The following NOTCH3 variants were observed in gnomAD, a reference collection of about 807,000 sequenced individuals.
NOTCH3 encodes the protein neurogenic locus notch homolog protein 3.
A neutral mutation model predicts 213.3 loss-of-function variants in NOTCH3; 86 were observed. The ratio of observed to expected loss-of-function variants is 0.40; its 90% CI spans 0.34 to 0.48. The LOEUF is 0.48. Among genes scored for constraint, NOTCH3 ranks in the 20% least tolerant of loss-of-function variants. The pLI, the probability that NOTCH3 is intolerant of heterozygous loss-of-function variation, is 0.57. For missense variants in NOTCH3, 2,783 were observed against 3,272.6 expected, an observed-to-expected ratio of 0.85 and a Z score of 3.65; for synonymous variants, 1,354 against 1,355.9, an observed-to-expected ratio of 1.00 and a Z score of 0.03.
At position 15,187,332 on chromosome 19, in the gene NOTCH3, T is replaced by A. The variant is rs1404986621; in HGVS notation, c.1613A>T (p.Glu538Val). 6 of 1,612,808 alleles carry A rather than the reference T, an allele frequency of 3.7e-6. No homozygotes were observed. In the Middle Eastern group the frequency reaches 6.6e-4, roughly 177 times the overall value. Residue 538 changes from glutamate to valine, a missense_variant, in exon 11 of 33, where the codon GAG becomes GTG. By Grantham distance (121) the Glu-to-Val change is moderately radical (BLOSUM62 -2). Transcript: ENST00000263388. ...GYECRCAEGF[E>V]GTLCDRNVDD... is the part of the protein sequence containing the mutation. ...CACGTTGCGATCACACAGCGTGCCCTCAAAGCCTGTGGGGCCAAGAGGGTC... is the reference window on the plus strand; with the variant it reads ...CACGTTGCGATCACACAGCGTGCCCACAAAGCCTGTGGGGCCAAGAGGGTC...
At chr19:15,197,365 T>C (rs577298434) in intron 2 of NOTCH3, 135 bp downstream of exon 2, 13 of 824,572 alleles carry the variant, frequency 1.6e-5, no homozygotes, top group African/African-American at 6.8e-5. Context: ...ACACGAGAGG[T>C]TGCCCAAGCC....
At chr19:15,191,046 A>T (rs11881343) in intron 6 of NOTCH3, among the ~76,000 whole-genome samples, 13,289 of 136,796 alleles carry the variant, frequency 0.097, 1,483 homozygotes, top group African/African-American at 0.29. Context: ...TTTATTTTTT[A>T]AATTTGAGAA....
Position 15,159,211 on chromosome 19 carries a change from T to C in NOTCH3, c.*1451A>G, listed in dbSNP as rs1014514640. On this transcript the variant is annotated 3_prime_UTR_variant, in exon 33 of 33. Transcript: ENST00000263388. ...CACTCAATTAACTGGAATTGATAAC[T>C]GCACTGGGAGCCGAGATAACCCCCC... 6 of 152,312 alleles carry C rather than the reference T, an allele frequency of 3.9e-5. No homozygotes were observed. The highest frequency in any genetic ancestry group is 1.3e-4 in the Admixed American group (2 of 15,282). 9.4% of individuals were successfully genotyped at this position (152,312 alleles called of 1,614,324 possible). A position where few individuals can be genotyped will look rare whatever the true frequency, so the allele number is the denominator to read the frequency against.
chr19:15,180,561 C>T, intron 19 of NOTCH3, 120 bp downstream of exon 19: 3 of 1,228,940 alleles, frequency 2.4e-6, no homozygotes, highest in Non-Finnish European at 3.5e-6. Flanking sequence ...ACCACTCAGC[C>T]ACACACCCCA....
intron 4 of NOTCH3, 33 bp downstream of exon 4, chr19:15,191,927 C>T (rs2046930527): frequency 6.2e-7 from 1 of 1,613,640 alleles, no homozygotes; most frequent in Non-Finnish European, 8.5e-7. Flanking sequence ...CCCACGCCCA[C>T]CCCTCTGACT....
intron 1 of NOTCH3, 49 bp from the exon 2 acceptor site, chr19:15,197,627 C>G (rs748880571): frequency 3.2e-6 from 5 of 1,569,346 alleles, no homozygotes; most frequent in Middle Eastern, 2.2e-4. Flanking sequence ...GCCCAGGAAC[C>G]CCAGGCCCAA....
intron 20 of NOTCH3, chr19:15,179,775 T>C: frequency 1.7e-6 from 1 of 586,318 alleles, no homozygotes; most frequent in Non-Finnish European, 3.0e-6. Context: ...CCAGCTATAA[T>C]GAGAGGCTGA....
At chr19:15,163,583 C>A (rs1385590880) in intron 31 of NOTCH3, among the ~76,000 whole-genome samples, 1 of 152,200 alleles carries the variant, frequency 6.6e-6, no homozygotes, top group Non-Finnish European at 1.5e-5. Flanking sequence ...ATAATCTCAA[C>A]AATTTGGGAG....
intron 16 of NOTCH3, among the ~76,000 whole-genome samples, chr19:15,182,343 T>TA (rs1045777455): frequency 6.6e-6 from 1 of 151,822 alleles, no homozygotes; most frequent in Non-Finnish European, 1.5e-5. Flanking sequence ...CCCATTTCTA[T>TA]AAAAAATACA....
intron 1 of NOTCH3, among the ~76,000 whole-genome samples, chr19:15,198,783 C>G (rs769401860): frequency 1.3e-5 from 2 of 151,172 alleles, no homozygotes; most frequent in African/African-American, 4.9e-5. Context: ...TGGTGGCGCA[C>G]GCCTGTAGTC....
chr19:15,178,855 C>T lies in NOTCH3; in HGVS notation c.3805G>A (p.Gly1269Ser). ...GQCRPSPGPG[G>S]GLTFTCHCAQ... ...CAGTGACAGGTGAAGGTCAGCCCACCCCCAGGACCCGGGCTAGGACGGCAC... is the reference window on the plus strand; with the variant it reads ...CAGTGACAGGTGAAGGTCAGCCCACTCCCAGGACCCGGGCTAGGACGGCAC... The change falls in exon 23 of 33, where the codon GGT becomes AGT. Residue 1269 changes from glycine (G) to serine (S), a missense_variant. Physicochemically the swap from Gly to Ser is moderately conservative, Grantham distance 56 (BLOSUM62 0). This residue lies in a region of NOTCH3 where 861 missense variants were observed against 909.1 expected (regional missense o/e 0.95). Coordinates refer to ENST00000263388, the MANE Select transcript of NOTCH3 (RefSeq NM_000435.3). 6.2e-7 allele frequency: 1 copy of T among 1,603,746 alleles called. No homozygotes were observed. Among genetic ancestry groups the T allele is most frequent in the East Asian group, 2.2e-5 (1 of 44,528 alleles).
chr19:15,185,171 C>T lies in NOTCH3; in HGVS notation c.2296+86G>A, dbSNP rs2046870829. ...TGATTGAAAGCAAAAAAGAAGCTAACATAGCGGGAGGAGAGAGTAGAGGAG... is the reference window on the plus strand; with the variant it reads ...TGATTGAAAGCAAAAAAGAAGCTAATATAGCGGGAGGAGAGAGTAGAGGAG... On this transcript the variant is annotated intron_variant, in intron 14 of 32. Transcript: ENST00000263388. The surrounding 1 kb of genome is among the most constrained non-coding windows in gnomAD (Gnocchi z 4.2). The T allele has an allele frequency of 6.5e-7, 1 of 1,540,036 alleles. No individual in the cohort carries two copies. The highest frequency in any genetic ancestry group is 8.9e-7 in the Non-Finnish European group (1 of 1,118,206).
chr19:15,168,741 G>A (rs759973714), intron 28 of NOTCH3, among the ~76,000 whole-genome samples: 24 of 152,062 alleles, frequency 1.6e-4, no homozygotes, highest in Non-Finnish European at 3.5e-4. Flanking sequence ...GGCTGAGGCA[G>A]GGGAATCACT....
chr19:15,181,085 G>A lies in NOTCH3; in HGVS notation c.2870C>T (p.Ala957Val), dbSNP rs1322646713. 2.5e-6 allele frequency: 4 copies of A among 1,609,326 alleles called. No individual in the cohort carries two copies. Among genetic ancestry groups the A allele is most frequent in the African/African-American group, 1.3e-5 (1 of 74,900 alleles). Residue 957 changes from alanine (A) to valine (V), a missense_variant, in exon 18 of 33, where the codon GCC becomes GTC. By Grantham distance (64) the Ala-to-Val change is moderately conservative. Coordinates refer to ENST00000263388, the MANE Select transcript of NOTCH3 (RefSeq NM_000435.3). ...SCLCRPGYTG[A>V]HCQHEADPCL... ...GGGGTCTGCCTCATGTTGGCAGTGG[G>A]CTCCTGTGTAGCCGGGACGGCACAG...
At chr19:15,171,018 A>G (rs1209169291) in intron 25 of NOTCH3, among the ~76,000 whole-genome samples, 193 bp from the exon 26 acceptor site, 2 of 152,154 alleles carry the variant, frequency 1.3e-5, no homozygotes, top group Non-Finnish European at 2.9e-5. Flanking sequence ...TGTGGTCAGC[A>G]GTCCCCCCAG....
At position 15,181,627 on chromosome 19, in the gene NOTCH3, G is replaced by C; in HGVS notation, c.2741C>G (p.Pro914Arg). ...HVASFTCTCP[P>R]GYGGFHCEQD... ...TTCGCAGTGGAAGCCTCCGTAGCCT[G>C]GCGGGCAGGTGCAGGTGAAGGAGGC... Residue 914 changes from proline (P) to arginine (R), a missense_variant, in exon 17 of 33, where the codon CCA becomes CGA. This residue lies in a region of NOTCH3 where 861 missense variants were observed against 909.1 expected (regional missense o/e 0.95). Transcript: ENST00000263388. The C allele has an allele frequency of 1.9e-6, 3 of 1,551,136 alleles. No homozygotes were observed. Among genetic ancestry groups the C allele is most frequent in the Middle Eastern group, 1.7e-4 (1 of 5,988 alleles).
rs1293259267 is a variant in NOTCH3 at position 15,165,219 on chromosome 19, G to A, written c.5815+149C>T. ...CACCCTAAGGACTAGTGGTGACCCT[G>A]CATGACCCTGCAGGCTTCATGAAGC... On this transcript the variant is annotated intron_variant, in intron 31 of 32. Coordinates refer to ENST00000263388, the MANE Select transcript of NOTCH3 (RefSeq NM_000435.3). This position sits in a 1 kb window ranked among gnomAD's most constrained non-coding sequence, Gnocchi z 4.7. The A allele has an allele frequency of 1.1e-5, 9 of 832,630 alleles. No individual in the cohort carries two copies. Among genetic ancestry groups the A allele is most frequent in the East Asian group, 2.5e-5 (1 of 39,624 alleles). The allele number at this position is 832,630 out of a possible 1,614,324, so 51.6% of individuals were successfully genotyped here. A position where few individuals can be genotyped will look rare whatever the true frequency, so the allele number is the denominator to read the frequency against.
At chr19:15,175,672 G>A (rs546030835) in intron 24 of NOTCH3, among the ~76,000 whole-genome samples, 4 of 149,552 alleles carry the variant, frequency 2.7e-5, no homozygotes, top group East Asian at 2.0e-4. Flanking sequence ...ATAAAGCAGA[G>A]GAAGGGCTGG....
At chr19:15,168,742 G>T (rs1317150856) in intron 28 of NOTCH3, among the ~76,000 whole-genome samples, 1 of 152,040 alleles carries the variant, frequency 6.6e-6, no homozygotes, top group Non-Finnish European at 1.5e-5. Flanking sequence ...GCTGAGGCAG[G>T]GGAATCACTT....
Sources: gnomAD v4.1 joint callset for allele counts (sites outside exome capture counted in the v4.1 genomes callset) on GRCh38, gnomAD v4.1.1 for gene constraint, gnomAD v4.1.1 regional missense constraint, Gnocchi (gnomAD v3.1) non-coding constraint, MANE v1.5 for transcripts, NCBI Gene and HGNC (gene_info 2026-07-23, HGNC 2026-07-21) for gene names.